The following ERC2 variants were observed in gnomAD, a reference collection of about 807,000 sequenced individuals.
ERC2 encodes ELKS/RAB6-interacting/CAST family member 2, also known as ERC protein 2.
In ERC2, 42 loss-of-function variants were observed where a neutral mutation model predicts 114.8. The ratio of observed to expected loss-of-function variants is 0.37; its 90% confidence interval spans 0.29 to 0.47. The LOEUF is 0.47. Ranked by LOEUF, ERC2 falls within the 20% of genes least tolerant of loss-of-function variation. The pLI, the probability that ERC2 is intolerant of heterozygous loss-of-function variation, is 0.99. For missense variants in ERC2, 939 were observed against 1,150.7 expected, an observed-to-expected ratio of 0.82 and a Z score of 2.66; for synonymous variants, 454 against 425.5, an observed-to-expected ratio of 1.07 and a Z score of -0.82.
intron 14 of ERC2, among the ~76,000 whole-genome samples, chr3:55,761,796 A>G (rs2067453557): frequency 6.6e-6 from 1 of 151,458 alleles, no homozygotes; most frequent in South Asian, 2.1e-4. Flanking sequence ...GAATGGCATG[A>G]ACCCGAGAGT....
chr3:56,458,951 C>T (rs943433989), intron 1 of ERC2, among the ~76,000 whole-genome samples: 7 of 152,206 alleles, frequency 4.6e-5, no homozygotes, highest in Admixed American at 2.6e-4. Flanking sequence ...CGGAGCATGG[C>T]TAATCTGCCT....
At chr3:56,236,568 G>C (rs1337075640) in intron 3 of ERC2, among the ~76,000 whole-genome samples, 1 of 152,158 alleles carries the variant, frequency 6.6e-6, no homozygotes, top group Non-Finnish European at 1.5e-5. Context: ...TGTGCTTTGA[G>C]AGTTGTTTCA....
intron 12 of ERC2, among the ~76,000 whole-genome samples, chr3:55,952,043 G>T (rs895090810): frequency 6.6e-6 from 1 of 150,724 alleles, no homozygotes; most frequent in African/African-American, 2.4e-5. Context: ...GCTCATGCCT[G>T]TAGTCCCAGC....
At chr3:55,835,638 C>T (rs1252756164) in intron 14 of ERC2, among the ~76,000 whole-genome samples, 1 of 152,114 alleles carries the variant, frequency 6.6e-6, no homozygotes, top group African/African-American at 2.4e-5. Flanking sequence ...AAACACACAG[C>T]CAATATCATA....
intron 3 of ERC2, among the ~76,000 whole-genome samples, chr3:56,181,348 C>G (rs2083275908): frequency 6.6e-6 from 1 of 152,224 alleles, no homozygotes; most frequent in Non-Finnish European, 1.5e-5. Flanking sequence ...AGCCCACCAT[C>G]TCTTCTGGTA....
In ERC2 at chr3:55,728,335, T is replaced by C. The variant is rs554605570; in HGVS notation, c.2712+6436A>G. Reference sequence around the variant, plus strand: ...GGAAAATTATATCTGTTACAAGTGCTATAAAATGGATAATACATGTGCTCA... The same window carrying C: ...GGAAAATTATATCTGTTACAAGTGCCATAAAATGGATAATACATGTGCTCA... On this transcript the variant is annotated intron_variant, in intron 15 of 17. Transcript: ENST00000288221. Among the ~76,000 whole-genome samples, 5 of 152,302 alleles carry C rather than the reference T, an allele frequency of 3.3e-5. No individual in the cohort carries two copies. The East Asian group carries it at 9.7e-4, about 29-fold the overall frequency.
intron 3 of ERC2, among the ~76,000 whole-genome samples, chr3:56,251,131 T>C (rs1040026143): frequency 1.3e-5 from 2 of 152,170 alleles, no homozygotes; most frequent in Admixed American, 6.5e-5. Flanking sequence ...TCACCCACCA[T>C]AGAAACTAAA....
In ERC2 at chr3:56,374,298, C is replaced by T. The variant is rs537265087; in HGVS notation, c.657+60053G>A. Among the ~76,000 whole-genome samples the T allele has an allele frequency of 5.9e-5, 9 of 152,258 alleles. No homozygotes were observed. In the South Asian group the frequency reaches 1.9e-3, roughly 32 times the overall value. ...ATTTTTAGTAGAGACGGGGTTTCAGCGTGTTAGCCAGGATGGTCTCGATCT... is the reference window on the plus strand; with the variant it reads ...ATTTTTAGTAGAGACGGGGTTTCAGTGTGTTAGCCAGGATGGTCTCGATCT... On this transcript the variant is annotated intron_variant, in intron 2 of 17. Transcript: ENST00000288221.
chr3:55,849,333 T>G (rs2061483973), intron 14 of ERC2, among the ~76,000 whole-genome samples: 1 of 152,200 alleles, frequency 6.6e-6, no homozygotes, highest in East Asian at 1.9e-4. Flanking sequence ...AACTAAGAAG[T>G]GTTCAATGTA....
Position 56,037,492 on chromosome 3 carries a change from G to A in ERC2, c.1642-18461C>T, listed in dbSNP as rs899511836. ...TCTTGCTGAAATAAGACAGTCAGAC[G>A]AGATTAGAGAAAAAGGAATGAAAAG... On this transcript the variant is annotated intron_variant, in intron 7 of 17. Coordinates refer to ENST00000288221, the MANE Select transcript of ERC2 (RefSeq NM_015576.3). Among the ~76,000 whole-genome samples, 8 of 152,214 alleles carry A rather than the reference G, an allele frequency of 5.3e-5. No individual in the cohort carries two copies. In the East Asian group the frequency reaches 9.7e-4, roughly 18 times the overall value.
At chr3:55,840,344 A>G (rs13327694) in intron 14 of ERC2, among the ~76,000 whole-genome samples, 27,302 of 151,894 alleles carry the variant, frequency 0.18, 3,623 homozygotes, top group African/African-American at 0.37. Flanking sequence ...CAAAGAATCT[A>G]ACACAGGTGA....
At chr3:55,935,961 A>G (rs150778502) in intron 13 of ERC2, among the ~76,000 whole-genome samples, 213 of 152,306 alleles carry the variant, frequency 1.4e-3, no homozygotes, top group African/African-American at 4.4e-3. Flanking sequence ...ACAAAATCTA[A>G]ATAGTGCATT....
intron 13 of ERC2, among the ~76,000 whole-genome samples, chr3:55,921,799 C>G (rs1216414764): frequency 1.3e-5 from 2 of 151,998 alleles, no homozygotes; most frequent in Non-Finnish European, 2.9e-5. Flanking sequence ...TTGGGAACAT[C>G]AAAAAAGTAC....
chr3:55,821,913 G>A (rs933525444), intron 14 of ERC2, among the ~76,000 whole-genome samples: 4 of 152,238 alleles, frequency 2.6e-5, no homozygotes, highest in Non-Finnish European at 5.9e-5. Context: ...CAGGTGTCAG[G>A]ACAGAGAGAG....
At chr3:55,975,248 A>C (rs990840066) in intron 12 of ERC2, among the ~76,000 whole-genome samples, 11 of 152,214 alleles carry the variant, frequency 7.2e-5, no homozygotes, top group Non-Finnish European at 1.5e-4. Context: ...GCTAACAGCA[A>C]ATAGGTACTC....
chr3:56,313,297 A>C (rs927472813), intron 2 of ERC2, among the ~76,000 whole-genome samples: 1 of 151,858 alleles, frequency 6.6e-6, no homozygotes, highest in African/African-American at 2.4e-5. Flanking sequence ...CTACTCTGTG[A>C]ATATACTAAA....
chr3:56,120,370 C>T (rs2079507222), intron 6 of ERC2, among the ~76,000 whole-genome samples: 1 of 152,032 alleles, frequency 6.6e-6, no homozygotes, highest in African/African-American at 2.4e-5. Flanking sequence ...TCAGTGGAGG[C>T]AATTTTAAGG....
At chr3:56,402,408 T>C (rs570448327) in intron 2 of ERC2, among the ~76,000 whole-genome samples, 60 of 152,340 alleles carry the variant, frequency 3.9e-4, no homozygotes, top group African/African-American at 1.4e-3. Flanking sequence ...GCATGTCTTA[T>C]GGAGAGATGC....
At chr3:55,714,374 G>T (rs903522408) in intron 15 of ERC2, among the ~76,000 whole-genome samples, 5 of 152,032 alleles carry the variant, frequency 3.3e-5, no homozygotes, top group African/African-American at 1.2e-4. Context: ...GTATCACAGG[G>T]ATGGCAATCA....
Sources: allele counts gnomAD v4.1 joint callset (sites outside exome capture counted in the v4.1 genomes callset), GRCh38; gene constraint gnomAD v4.1.1; transcripts MANE v1.5; gene names NCBI Gene and HGNC (gene_info 2026-07-23, HGNC 2026-07-21).